ZCCHC7: variants seen among roughly 807,000 people sequenced by gnomAD.
ZCCHC7 encodes zinc finger CCHC-type containing 7, also known as zinc finger CCHC domain-containing protein 7.
ZCCHC7 carries 35 observed loss-of-function variants against 52.0 expected under a neutral mutation model. The ratio of observed to expected loss-of-function variants is 0.67; its 90% confidence interval spans 0.51 to 0.89. ZCCHC7 has a LOEUF of 0.89. Ranked by LOEUF, ZCCHC7 falls within the 40% of genes least tolerant of loss-of-function variation. The pLI is 0.00. For missense variants in ZCCHC7, 574 were observed against 649.1 expected, an observed-to-expected ratio of 0.88 and a Z score of 1.26; for synonymous variants, 217 against 221.5, an observed-to-expected ratio of 0.98 and a Z score of 0.18.
chr9:37,218,569 G>C (rs769444617), intron 2 of ZCCHC7, among the ~76,000 whole-genome samples: 3 of 152,208 alleles, frequency 2.0e-5, no homozygotes, highest in Non-Finnish European at 2.9e-5. Context: ...AGTGCTTTGG[G>C]AGGCCAAGGC....
At chr9:37,280,057 C>A (rs948872052) in intron 2 of ZCCHC7, among the ~76,000 whole-genome samples, 2 of 151,928 alleles carry the variant, frequency 1.3e-5, no homozygotes, top group Non-Finnish European at 2.9e-5. Flanking sequence ...AGGAGAATGG[C>A]GCGAACCCGG....
intron 2 of ZCCHC7, among the ~76,000 whole-genome samples, chr9:37,145,819 A>G (rs1564140519): frequency 6.6e-6 from 1 of 151,938 alleles, no homozygotes; most frequent in Non-Finnish European, 1.5e-5. Context: ...TTGAACAAAA[A>G]TTGTTCCTAT....
chr9:37,239,270 A>G (rs1193378110), intron 2 of ZCCHC7, among the ~76,000 whole-genome samples: 8 of 152,190 alleles, frequency 5.3e-5, no homozygotes, highest in Non-Finnish European at 4.4e-5. Flanking sequence ...AAATATTTAT[A>G]TAAAGCAAAG....
chr9:37,311,808 A>T (rs1434493011), intron 5 of ZCCHC7, among the ~76,000 whole-genome samples: 1 of 152,238 alleles, frequency 6.6e-6, no homozygotes, highest in Non-Finnish European at 1.5e-5. Flanking sequence ...AACTCAGTTT[A>T]AACTGTGTAG....
chr9:37,172,303 T>C (rs1166287029), intron 2 of ZCCHC7, among the ~76,000 whole-genome samples: 3 of 152,238 alleles, frequency 2.0e-5, no homozygotes, highest in African/African-American at 7.2e-5. Flanking sequence ...TTTGTACTGT[T>C]TTCTTAAAAT....
chr9:37,304,200 A>G lies in ZCCHC7; in HGVS notation c.667A>G (p.Asn223Asp). The G allele has an allele frequency of 6.2e-6, 10 of 1,610,988 alleles. No individual in the cohort carries two copies. Among genetic ancestry groups the G allele is most frequent in the Non-Finnish European group, 7.6e-6 (9 of 1,179,012 alleles). ...SDKDIEAQIA[N>D]NRTPGRWTQR... ...TTTTTTCCCTTAGGCCCAGATAGCT[A>G]ATAACCGAACACCTGGAAGATGGAC... is the stretch of plus-strand genomic sequence containing the variant. The change falls in exon 4 of 9, where the codon AAT becomes GAT. Residue 223 changes from asparagine (N) to aspartate (D), a missense_variant. Physicochemically the swap from Asn to Asp is conservative, Grantham distance 23 (BLOSUM62 1). Around this residue, in one of 3 missense-constraint regions of ZCCHC7, gnomAD observed 403 missense variants for 461.2 expected, o/e 0.87. Coordinates refer to ENST00000336755, the MANE Select transcript of ZCCHC7 (RefSeq NM_032226.3).
intron 2 of ZCCHC7, among the ~76,000 whole-genome samples, chr9:37,197,973 A>G (rs1470346542): frequency 1.3e-5 from 2 of 152,196 alleles, no homozygotes; most frequent in Non-Finnish European, 2.9e-5. Context: ...GACTGTCTAT[A>G]AGGAAAAAGG....
At chr9:37,197,188 C>T (rs554205312) in intron 2 of ZCCHC7, among the ~76,000 whole-genome samples, 226 of 152,206 alleles carry the variant, frequency 1.5e-3, no homozygotes, top group African/African-American at 5.1e-3. Context: ...CCCCCCACCC[C>T]CAGCCTCTAG....
intron 5 of ZCCHC7, among the ~76,000 whole-genome samples, chr9:37,308,221 A>T (rs536829218): frequency 6.6e-6 from 1 of 152,292 alleles, no homozygotes; most frequent in African/African-American, 2.4e-5. Context: ...TTTAGTGTTT[A>T]CCAAGTCTTA....
At position 37,305,573 on chromosome 9, in the gene ZCCHC7, G is replaced by T. The variant is rs200010088; in HGVS notation, c.810G>T (p.Arg270Ser). The part of the protein sequence containing the change: ...RKVRRCFLCS[R>S]RGHLLYSCPA... ...TTCGTCGCTGCTTCCTGTGCTCCAG[G>T]AGAGGACATCTCCTGTATTCCTGTC... The change falls in exon 5 of 9, where the codon AGG becomes AGT. Residue 270 changes from arginine (R) to serine (S), a missense_variant. By Grantham distance (110) the Arg-to-Ser change is moderately radical. Around this residue, in one of 3 missense-constraint regions of ZCCHC7, gnomAD observed 403 missense variants for 461.2 expected, o/e 0.87. Transcript: ENST00000336755. The T allele has an allele frequency of 3.1e-6, 5 of 1,613,876 alleles. No homozygotes were observed. The Admixed American group carries it at 5.0e-5, about 16-fold the overall frequency.
rs142663166 is a variant in ZCCHC7 at position 37,293,843 on chromosome 9, G to A, written c.611-8345G>A. Reference sequence around the variant, plus strand: ...AGGCCTTAATATGACTAATAACTTAGCGAAAGCTCTATATGACCCTCTGCT... The same window carrying A: ...AGGCCTTAATATGACTAATAACTTAACGAAAGCTCTATATGACCCTCTGCT... On this transcript the variant is annotated intron_variant, in intron 2 of 8. Transcript: ENST00000336755. Among the ~76,000 whole-genome samples, 494 of 152,124 alleles carry A rather than the reference G, an allele frequency of 3.2e-3. 5 individuals are homozygous for A. Among genetic ancestry groups the A allele is most frequent in the African/African-American group, 0.011 (473 of 41,502 alleles).
At chr9:37,295,129 A>C (rs1235654835) in intron 2 of ZCCHC7, among the ~76,000 whole-genome samples, 1 of 152,204 alleles carries the variant, frequency 6.6e-6, no homozygotes. Context: ...AAGGGGTACC[A>C]GATAAGACTT....
chr9:37,120,606 C>T lies in ZCCHC7; in HGVS notation c.-39C>T, dbSNP rs1449355107. The T allele has an allele frequency of 1.0e-5, 4 of 398,580 alleles. No individual in the cohort carries two copies. The highest frequency in any genetic ancestry group is 1.8e-5 in the Non-Finnish European group (4 of 225,790). 24.7% of individuals were successfully genotyped at this position (398,580 alleles called of 1,614,324 possible). ...CGTTTTGGTTCCCGGTTGGTGCTTC[C>T]TGTTCGCAGCTGCGGCAGTGAGTAT... is the stretch of plus-strand genomic sequence containing the variant. On this transcript the variant is annotated 5_prime_UTR_variant, in exon 1 of 9. Coordinates refer to ENST00000336755, the MANE Select transcript of ZCCHC7 (RefSeq NM_032226.3).
chr9:37,129,854 A>G (rs1842699112), intron 2 of ZCCHC7, among the ~76,000 whole-genome samples: 4 of 152,312 alleles, frequency 2.6e-5, no homozygotes, highest in Admixed American at 1.3e-4. Context: ...TTTCTCATCA[A>G]TTGCTAAATC....
At chr9:37,216,192 A>G (rs778418511) in intron 2 of ZCCHC7, among the ~76,000 whole-genome samples, 1 of 152,134 alleles carries the variant, frequency 6.6e-6, no homozygotes. Context: ...TGTAATTTTC[A>G]TTCTTGTCTC....
At chr9:37,249,881 T>C (rs1171107476) in intron 2 of ZCCHC7, among the ~76,000 whole-genome samples, 1 of 152,060 alleles carries the variant, frequency 6.6e-6, no homozygotes, top group African/African-American at 2.4e-5. Flanking sequence ...ATGTGTAGAG[T>C]ATGGTCCTTC....
chr9:37,267,944 A>G (rs1827197586), intron 2 of ZCCHC7, among the ~76,000 whole-genome samples: 1 of 151,956 alleles, frequency 6.6e-6, no homozygotes, highest in African/African-American at 2.4e-5. Flanking sequence ...GGCTCGAGGG[A>G]TCCTCTCACC....
intron 2 of ZCCHC7, among the ~76,000 whole-genome samples, chr9:37,175,602 T>G (rs1307072533): frequency 6.6e-6 from 1 of 151,958 alleles, no homozygotes; most frequent in Non-Finnish European, 1.5e-5. Context: ...CTGGGTGTGG[T>G]GGTGCTCGCC....
rs1404336445 is a variant in ZCCHC7 at position 37,160,833 on chromosome 9, C to G, written c.610+33891C>G. Among the ~76,000 whole-genome samples, 7 of 152,100 alleles carry G rather than the reference C, an allele frequency of 4.6e-5. No individual in the cohort carries two copies. In the South Asian group the frequency reaches 1.2e-3, roughly 27 times the overall value. ...CCTGGGAGGCCGAGGTTGCAGTGAACCGAGATCGTGCCATTGCACTCTATC... is the reference window on the plus strand; with the variant it reads ...CCTGGGAGGCCGAGGTTGCAGTGAAGCGAGATCGTGCCATTGCACTCTATC... On this transcript the variant is annotated intron_variant, in intron 2 of 8. Coordinates refer to ENST00000336755, the MANE Select transcript of ZCCHC7 (RefSeq NM_032226.3).
Sources: allele counts gnomAD v4.1 joint callset (sites outside exome capture counted in the v4.1 genomes callset), GRCh38; gene constraint gnomAD v4.1.1; regional missense constraint gnomAD v4.1.1; transcripts MANE v1.5; gene names NCBI Gene and HGNC (gene_info 2026-07-23, HGNC 2026-07-21).